Variants in ADAMTS15 observed in about 807,000 individuals in gnomAD.
ADAMTS15 encodes the protein ADAM metallopeptidase with thrombospondin type 1 motif 15, also known as A disintegrin and metalloproteinase with thrombospondin motifs 15.
A neutral mutation model predicts 79.1 loss-of-function variants in ADAMTS15; 35 were observed. The ratio of observed to expected loss-of-function variants is 0.44; its 90% CI spans 0.34 to 0.59. The LOEUF (loss-of-function observed/expected upper bound fraction) is 0.59. Among genes scored for constraint, ADAMTS15 ranks in the 20% least tolerant of loss-of-function variants. ADAMTS15 has a pLI of 0.02. For missense variants in ADAMTS15, 1,324 were observed against 1,318.7 expected, an observed-to-expected ratio of 1.00 and a Z score of -0.06; for synonymous variants, 616 against 567.3, an observed-to-expected ratio of 1.09 and a Z score of -1.22.
In ADAMTS15 at chr11:130,449,969, C is replaced by G. The variant is rs1330336455; in HGVS notation, c.957+39C>G. Reference sequence around the variant, plus strand: ...CCGTCACTTTGCACCCAGATAGTCCCGTTCTTTAGGGTCACCTCCCCTAGC... The same window carrying G: ...CCGTCACTTTGCACCCAGATAGTCCGGTTCTTTAGGGTCACCTCCCCTAGC... On this transcript the variant is annotated intron_variant, in intron 1 of 7. Coordinates refer to ENST00000299164, the MANE Select transcript of ADAMTS15 (RefSeq NM_139055.4). The surrounding 1 kb of genome is among the most constrained non-coding windows in gnomAD (Gnocchi z 7.8). 6.3e-7 allele frequency: 1 copy of G among 1,583,908 alleles called. No individual in the cohort carries two copies. The highest frequency in any genetic ancestry group is 8.6e-7 in the Non-Finnish European group (1 of 1,169,460).
intron 1 of ADAMTS15, among the ~76,000 whole-genome samples, chr11:130,459,612 T>C (rs1354956063): frequency 6.6e-6 from 1 of 152,080 alleles, no homozygotes. Flanking sequence ...GAAGTGGAGG[T>C]AGTGCTTCCA....
At chr11:130,471,135 G>C in intron 6 of ADAMTS15, 34 bp downstream of exon 6, 1 of 1,599,282 alleles carries the variant, frequency 6.3e-7, no homozygotes, top group Non-Finnish European at 8.5e-7. Flanking sequence ...ACAAAGTAGG[G>C]ACCAGGTCTT....
chr11:130,469,875 TA>T (rs1171827545), intron 5 of ADAMTS15, among the ~76,000 whole-genome samples: 1 of 151,988 alleles, frequency 6.6e-6, no homozygotes, highest in Non-Finnish European at 1.5e-5. Flanking sequence ...TGTTTCTATC[TA>T]ACATTTAGTA....
In ADAMTS15 at chr11:130,471,097, C is replaced by T. The variant is rs146430548; in HGVS notation, c.1898C>T (p.Pro633Leu). ...ACTGGCTACTTCTATGTGCTGGCAC[C>T]CAAGGTGAGTGAGCCTGGGGCCTGA... ...NGTGYFYVLA[P>L]KVVDGTLCSP... Residue 633 changes from proline to leucine, a missense_variant, in exon 6 of 8, where the codon CCC (proline) becomes CTC (leucine). Transcript: ENST00000299164. 6.8e-6 allele frequency: 11 copies of T among 1,612,292 alleles called. No homozygotes were observed. The highest frequency in any genetic ancestry group is 9.3e-6 in the Non-Finnish European group (11 of 1,179,134).
intron 4 of ADAMTS15, among the ~76,000 whole-genome samples, chr11:130,465,207 A>G (rs1464564993): frequency 6.6e-6 from 1 of 151,938 alleles, no homozygotes; most frequent in Non-Finnish European, 1.5e-5. Context: ...ACGGGGGAAA[A>G]AACCAAGTAA....
chr11:130,465,777 G>A (rs1034246557), intron 4 of ADAMTS15, among the ~76,000 whole-genome samples: 10 of 151,416 alleles, frequency 6.6e-5, no homozygotes, highest in Non-Finnish European at 1.2e-4. Flanking sequence ...ACTGCCTCTC[G>A]GTTGTCCTCC....
Position 130,473,078 on chromosome 11 carries a change from G to C in ADAMTS15, c.2110G>C (p.Ala704Pro), listed in dbSNP as rs760371321. ...CTACAATTTCGTGGTGGCCATCCCC[G>C]CAGGCGCCTCAAGCATCGACATCCG... is the stretch of plus-strand genomic sequence containing the variant. ...HGYNFVVAIP[A>P]GASSIDIRQR... Residue 704 changes from alanine (A) to proline (P), a missense_variant, in exon 8 of 8, where the codon GCA (alanine) becomes CCA (proline). Coordinates refer to ENST00000299164, the MANE Select transcript of ADAMTS15 (RefSeq NM_139055.4). 2.5e-6 allele frequency: 4 copies of C among 1,613,656 alleles called. No individual in the cohort carries two copies. The highest frequency in any genetic ancestry group is 2.5e-6 in the Non-Finnish European group (3 of 1,180,002).
In ADAMTS15 at chr11:130,449,255, C is replaced by T; in HGVS notation, c.282C>T (p.Gly94=). The T allele has an allele frequency of 5.0e-6, 8 of 1,613,242 alleles. No homozygotes were observed. The highest frequency in any genetic ancestry group is 6.8e-6 in the Non-Finnish European group (8 of 1,180,026). ...TCCCCCTCCAGGGGCTCACCGGGGGCTCTTCAGACCTGCGACGCTGCTTCT... is the reference window on the plus strand; with the variant it reads ...TCCCCCTCCAGGGGCTCACCGGGGGTTCTTCAGACCTGCGACGCTGCTTCT... ...LGVPLQGLTG[G]SSDLRRCFYS... is the part of the protein sequence containing the mutation. The change falls in exon 1 of 8, where the codon GGC becomes GGT. Residue 94 remains glycine, a synonymous_variant. Coordinates refer to ENST00000299164, the MANE Select transcript of ADAMTS15 (RefSeq NM_139055.4). The surrounding 1 kb of genome is among the most constrained non-coding windows in gnomAD (Gnocchi z 7.8).
chr11:130,449,396 T>C lies in ADAMTS15; in HGVS notation c.423T>C (p.Asn141=), dbSNP rs1330529986. 4 of 1,599,832 alleles carry C rather than the reference T, an allele frequency of 2.5e-6. No individual in the cohort carries two copies. Among genetic ancestry groups the C allele is most frequent in the Admixed American group, 3.3e-5 (2 of 59,880 alleles). ...GAEYVISPLP[N]ASAPAAQRNS... ...AGTATGTCATTAGCCCGCTGCCCAATGCTAGCGCGCCGGCGGCGCAGCGCA... is the reference window on the plus strand; with the variant it reads ...AGTATGTCATTAGCCCGCTGCCCAACGCTAGCGCGCCGGCGGCGCAGCGCA... Residue 141 remains asparagine (N), a synonymous_variant, in exon 1 of 8, where the codon AAT becomes AAC. Coordinates refer to ENST00000299164, the MANE Select transcript of ADAMTS15 (RefSeq NM_139055.4). The surrounding 1 kb of genome is among the most constrained non-coding windows in gnomAD (Gnocchi z 7.8).
In ADAMTS15 at chr11:130,474,007, C is replaced by G; in HGVS notation, c.*186C>G. The G allele has an allele frequency of 1.2e-6, 1 of 806,220 alleles. No homozygotes were observed. The highest frequency in any genetic ancestry group is 1.9e-5 in the South Asian group (1 of 51,730). The allele number at this position is 806,220 out of a possible 1,614,324, so 49.9% of individuals were successfully genotyped here. ...CCTCCCTGGACTGGGCAGAGGGAAG[C>G]CCAGGAACTCCCGCACAGTCTACCT... On this transcript the variant is annotated 3_prime_UTR_variant, in exon 8 of 8. Coordinates refer to ENST00000299164, the MANE Select transcript of ADAMTS15 (RefSeq NM_139055.4).
chr11:130,468,459 C>T (rs1281035161), intron 4 of ADAMTS15, among the ~76,000 whole-genome samples: 2 of 151,326 alleles, frequency 1.3e-5, no homozygotes, highest in African/African-American at 2.4e-5. Context: ...GGTGAAACCT[C>T]GTCTCTATTA....
At position 130,473,304 on chromosome 11, in the gene ADAMTS15, T is replaced by A. The variant is rs762421286; in HGVS notation, c.2336T>A (p.Leu779Gln). 2 of 1,613,160 alleles carry A rather than the reference T, an allele frequency of 1.2e-6. No homozygotes were observed. Among genetic ancestry groups the A allele is most frequent in the South Asian group, 1.1e-5 (1 of 91,086 alleles). ...GCTTCCCGGCCCATCCTGGAGCCGC[T>A]GACCGTGGAGGTCCTCTCCGTGGGG... ...LQASRPILEPLTVEVLSVGKM... is the reference protein window; with the variant it reads ...LQASRPILEPQTVEVLSVGKM... Residue 779 changes from leucine to glutamine, a missense_variant, in exon 8 of 8, where the codon CTG (leucine) becomes CAG (glutamine). Leu to Gln is a moderately radical substitution (Grantham distance 113). Transcript: ENST00000299164.
At position 130,462,847 on chromosome 11, in the gene ADAMTS15, C is replaced by CT; in HGVS notation, c.1542+68dup. On this transcript the variant is annotated intron_variant, in intron 4 of 7. Transcript: ENST00000299164. This position sits in a 1 kb window ranked among gnomAD's most constrained non-coding sequence, Gnocchi z 4.3. ...AGGGATGGAGACCCGGGGGCCTCGTCTGCCCTTGGTCTTCACCAGGAAGGT... is the reference window on the plus strand; with the variant it reads ...AGGGATGGAGACCCGGGGGCCTCGTCTTGCCCTTGGTCTTCACCAGGAAGGT... 6.5e-7 allele frequency: 1 copy of CT among 1,530,832 alleles called. No individual in the cohort carries two copies. Among genetic ancestry groups the CT allele is most frequent in the Non-Finnish European group, 8.8e-7 (1 of 1,135,068 alleles). The allele number at this position is 1,530,832 out of a possible 1,614,324, so 94.8% of individuals were successfully genotyped here.
rs760811396 is a variant in ADAMTS15, at chr11:130,473,346, G to A, written c.2378G>A (p.Arg793Gln). The change falls in exon 8 of 8, where the codon CGG becomes CAG. Residue 793 changes from arginine to glutamine, a missense_variant. By Grantham distance (43) the Arg-to-Gln change is conservative. Coordinates refer to ENST00000299164, the MANE Select transcript of ADAMTS15 (RefSeq NM_139055.4). ...VLSVGKMTPP[R>Q]VRYSFYLPKE... is the part of the protein sequence containing the mutation. ...TCCGTGGGGAAGATGACACCGCCCCGGGTCCGCTACTCCTTCTATCTGCCC... is the reference window on the plus strand; with the variant it reads ...TCCGTGGGGAAGATGACACCGCCCCAGGTCCGCTACTCCTTCTATCTGCCC... The A allele has an allele frequency of 6.2e-6, 10 of 1,612,770 alleles. No individual in the cohort carries two copies. In the African/African-American group the frequency reaches 6.7e-5, roughly 11 times the overall value.
intron 5 of ADAMTS15, among the ~76,000 whole-genome samples, chr11:130,470,101 T>C (rs1938389910): frequency 7.3e-6 from 1 of 137,536 alleles, no homozygotes; most frequent in African/African-American, 2.8e-5. Context: ...ATAGTAGTTA[T>C]CAGGTTCATT....
At chr11:130,471,139 A>G in intron 6 of ADAMTS15, 38 bp downstream of exon 6, 2 of 1,597,774 alleles carry the variant, frequency 1.3e-6, no homozygotes, top group Non-Finnish European at 1.7e-6. Context: ...AGTAGGGACC[A>G]GGTCTTCCGG....
intron 1 of ADAMTS15, among the ~76,000 whole-genome samples, chr11:130,454,385 G>A (rs181244580): frequency 6.6e-6 from 1 of 152,196 alleles, no homozygotes; most frequent in African/African-American, 2.4e-5. Flanking sequence ...TGCGCAGAGC[G>A]GAACAGCATT....
rs543823390 is a variant in ADAMTS15 at position 130,449,765 on chromosome 11, C to A, written c.792C>A (p.Ile264=). Residue 264 remains isoleucine (I), a synonymous_variant, in exon 1 of 8, where the codon ATC becomes ATA. Coordinates refer to ENST00000299164, the MANE Select transcript of ADAMTS15 (RefSeq NM_139055.4). This position sits in a 1 kb window ranked among gnomAD's most constrained non-coding sequence, Gnocchi z 7.8. The stretch of plus-strand genomic sequence containing the variant: ...CCAGCATCCTCAACCCCATCAACAT[C>A]GTTGTGGTCAAGGTGCTGCTTCTTA... The part of the protein sequence containing the change: ...RHPSILNPIN[I]VVVKVLLLRD... The A allele has an allele frequency of 1.6e-5, 25 of 1,612,804 alleles. 2 individuals are homozygous for A. The South Asian group carries it at 2.3e-4, about 15-fold the overall frequency.
At chr11:130,470,189 T>TATATATAC (rs1938417182) in intron 5 of ADAMTS15, among the ~76,000 whole-genome samples, 14 of 49,832 alleles carry the variant, frequency 2.8e-4, no homozygotes, top group Non-Finnish European at 4.4e-4. Context: ...TATGTGTGTA[T>TATATATAC]ATATATATAT....
Sources: gnomAD v4.1 joint callset for allele counts (sites outside exome capture counted in the v4.1 genomes callset) on GRCh38, gnomAD v4.1.1 for gene constraint, Gnocchi (gnomAD v3.1) non-coding constraint, MANE v1.5 for transcripts, NCBI Gene and HGNC (gene_info 2026-07-23, HGNC 2026-07-21) for gene names.